Variants in SLC25A12 observed in about 807,000 individuals in gnomAD.
The protein encoded by SLC25A12 is solute carrier family 25 member 12.
SLC25A12 carries 32 observed loss-of-function variants against 83.3 expected under a neutral mutation model. That is an observed-to-expected ratio of 0.38 (90% CI 0.29 to 0.52). The LOEUF is 0.52. Ranked by LOEUF, SLC25A12 falls within the 20% of genes least tolerant of loss-of-function variation. The pLI is 0.84. For synonymous variants in SLC25A12, 267 were observed against 291.1 expected (o/e 0.92, Z 0.84); for missense variants, 611 against 835.6 (o/e 0.73, Z 3.31).
rs562532519 is a variant in SLC25A12, at chr2:171,849,178, A to T, written c.326-4670T>A. Reference sequence around the variant, plus strand: ...GCACTCCACCCTGGGCGACACAGCAAGACCGTGTCTCAAAATTAATAAATA... The same window carrying T: ...GCACTCCACCCTGGGCGACACAGCATGACCGTGTCTCAAAATTAATAAATA... On this transcript the variant is annotated intron_variant, in intron 4 of 17. Transcript: ENST00000422440. Among the ~76,000 whole-genome samples the T allele has an allele frequency of 2.0e-5, 3 of 152,230 alleles. No individual in the cohort carries two copies. The South Asian group carries it at 6.2e-4, about 32-fold the overall frequency.
rs748785851 is a variant in SLC25A12 at position 171,813,475 on chromosome 2, A to G, written c.1035T>C (p.Tyr345=). 5 of 1,613,962 alleles carry G rather than the reference A, an allele frequency of 3.1e-6. No homozygotes were observed. The highest frequency in any genetic ancestry group is 2.7e-5 in the African/African-American group (2 of 74,914). ...TTCGGGTCTTCACCAGATCTATAGG[A>G]TACACTGCAGTGGCTCCCACAGCTA... ...VAGAVGATAV[Y]PIDLVKTRMQ... is the part of the protein sequence containing the mutation. The change falls in exon 11 of 18, where the codon TAT becomes TAC. Residue 345 remains tyrosine, a synonymous_variant. Transcript: ENST00000422440.
At chr2:171,799,675 G>T (rs537705099) in intron 13 of SLC25A12, among the ~76,000 whole-genome samples, 34 of 152,330 alleles carry the variant, frequency 2.2e-4, no homozygotes, top group African/African-American at 7.9e-4. Flanking sequence ...GATCGTCATA[G>T]ATTTTGCATT....
At chr2:171,877,816 C>CA (rs1403787979) in intron 2 of SLC25A12, among the ~76,000 whole-genome samples, 6 of 151,964 alleles carry the variant, frequency 3.9e-5, no homozygotes, top group Non-Finnish European at 5.9e-5. Flanking sequence ...AAAGCCCAAA[C>CA]ACTCTAAATG....
intron 2 of SLC25A12, among the ~76,000 whole-genome samples, chr2:171,874,887 T>C (rs1685531727): frequency 6.6e-6 from 1 of 152,148 alleles, no homozygotes; most frequent in Admixed American, 6.5e-5. Context: ...TTCCTAGAAC[T>C]AAATTGAAAG....
At chr2:171,810,946 C>T (rs1439195165) in intron 11 of SLC25A12, among the ~76,000 whole-genome samples, 1 of 151,984 alleles carries the variant, frequency 6.6e-6, no homozygotes, top group Admixed American at 6.6e-5. Context: ...TAAAAGAATC[C>T]CCTCAAAACA....
intron 13 of SLC25A12, among the ~76,000 whole-genome samples, chr2:171,800,380 A>G (rs1345132109): frequency 5.3e-5 from 8 of 152,102 alleles, no homozygotes; most frequent in Admixed American, 3.3e-4. Context: ...ACATGAAAAG[A>G]TAATCAACAT....
chr2:171,829,430 C>A (rs770109612), intron 8 of SLC25A12, among the ~76,000 whole-genome samples: 52 of 152,174 alleles, frequency 3.4e-4, no homozygotes, highest in Non-Finnish European at 6.8e-4. Flanking sequence ...GGCCACCTGT[C>A]TCTCAGGGGC....
chr2:171,823,817 T>C lies in SLC25A12; in HGVS notation c.930+2981A>G, dbSNP rs149973623. On this transcript the variant is annotated intron_variant, in intron 9 of 17. Coordinates refer to ENST00000422440, the MANE Select transcript of SLC25A12 (RefSeq NM_003705.5). ...CTACTGAAAACAAATTAGCTGAGCATGGTGGTGTATGCCTACAGTCCCAGC... is the reference window on the plus strand; with the variant it reads ...CTACTGAAAACAAATTAGCTGAGCACGGTGGTGTATGCCTACAGTCCCAGC... Among the ~76,000 whole-genome samples, 89 of 152,124 alleles carry C rather than the reference T, an allele frequency of 5.9e-4. No homozygotes were observed. In the East Asian group the frequency reaches 0.017, roughly 29 times the overall value.
At chr2:171,841,261 G>A (rs146701232) in intron 5 of SLC25A12, among the ~76,000 whole-genome samples, 3,768 of 152,230 alleles carry the variant, frequency 0.025, 72 homozygotes, top group Non-Finnish European at 0.039. Context: ...TGCACTTTTA[G>A]TAGAGACAGG....
chr2:171,871,836 T>C, intron 2 of SLC25A12: 2 of 729,246 alleles, frequency 2.7e-6, no homozygotes, highest in Non-Finnish European at 3.3e-6. Context: ...GGAGAATCAC[T>C]TGAACCTGGG....
chr2:171,855,793 G>T, intron 4 of SLC25A12, 41 bp downstream of exon 4: 1 of 1,100,558 alleles, frequency 9.1e-7, no homozygotes, highest in Non-Finnish European at 1.4e-6. Context: ...GACTGGACCA[G>T]CATCATTAAC....
intron 13 of SLC25A12, among the ~76,000 whole-genome samples, chr2:171,806,097 A>G (rs1398660302): frequency 1.3e-5 from 2 of 152,180 alleles, no homozygotes; most frequent in East Asian, 3.8e-4. Context: ...TGGGCAACAG[A>G]CTGAGATCCT....
chr2:171,798,975 G>T (rs918890330), intron 13 of SLC25A12, among the ~76,000 whole-genome samples: 6 of 152,154 alleles, frequency 3.9e-5, no homozygotes, highest in Non-Finnish European at 8.8e-5. Flanking sequence ...TGGGATTAGT[G>T]CCCTTATAAA....
chr2:171,786,406 A>T (rs1690492128), intron 17 of SLC25A12, among the ~76,000 whole-genome samples: 1 of 138,944 alleles, frequency 7.2e-6, no homozygotes, highest in South Asian at 2.4e-4. Context: ...AAAAAAAAAG[A>T]GAGAGAGAGA....
At chr2:171,871,964 T>G (rs909841028) in intron 2 of SLC25A12, among the ~76,000 whole-genome samples, 14 of 94,984 alleles carry the variant, frequency 1.5e-4, no homozygotes, top group African/African-American at 4.5e-4. Context: ...GCTTGATGAC[T>G]TGTGCTATAG....
At chr2:171,846,911 A>G (rs1684808492) in intron 4 of SLC25A12, among the ~76,000 whole-genome samples, 1 of 152,220 alleles carries the variant, frequency 6.6e-6, no homozygotes, top group East Asian at 1.9e-4. Flanking sequence ...TAGATATCCT[A>G]TTTCATAAAC....
chr2:171,893,283 C>T lies in SLC25A12; in HGVS notation c.13-25G>A, dbSNP rs769600968. Reference sequence around the variant, plus strand: ...CCTGTAAGCAAAAAAGAAAAAAAAGCCAGTTAATGCTTCACTAGAGACCAC... The same window carrying T: ...CCTGTAAGCAAAAAAGAAAAAAAAGTCAGTTAATGCTTCACTAGAGACCAC... On this transcript the variant is annotated intron_variant, in intron 1 of 17. Coordinates refer to ENST00000422440, the MANE Select transcript of SLC25A12 (RefSeq NM_003705.5). 1.2e-5 allele frequency: 20 copies of T among 1,604,792 alleles called. No individual in the cohort carries two copies. In the African/African-American group the frequency reaches 2.0e-4, roughly 16 times the overall value.
At chr2:171,853,155 G>C (rs1297944088) in intron 4 of SLC25A12, among the ~76,000 whole-genome samples, 1 of 152,098 alleles carries the variant, frequency 6.6e-6, no homozygotes, top group Non-Finnish European at 1.5e-5. Flanking sequence ...GAGACTACAG[G>C]TATGCGCCAC....
intron 9 of SLC25A12, among the ~76,000 whole-genome samples, chr2:171,818,164 G>A (rs1032366687): frequency 1.3e-5 from 2 of 151,974 alleles, no homozygotes; most frequent in Non-Finnish European, 2.9e-5. Flanking sequence ...AAATGCTACC[G>A]CTGTCATCCC....
Sources: allele counts gnomAD v4.1 joint callset (sites outside exome capture counted in the v4.1 genomes callset), GRCh38; gene constraint gnomAD v4.1.1; transcripts MANE v1.5; gene names NCBI Gene and HGNC (gene_info 2026-07-23, HGNC 2026-07-21).